FAM222B: variants seen among roughly 807,000 people sequenced by gnomAD.
FAM222B encodes the protein family with sequence similarity 222 member B, also known as protein FAM222B.
FAM222B carries 12 observed loss-of-function variants against 38.0 expected under a neutral mutation model. The observed-to-expected ratio is 0.32, with a 90% CI of 0.20 to 0.51. The LOEUF is 0.51. Among genes scored for constraint, FAM222B ranks in the 20% least tolerant of loss-of-function variants. FAM222B has a pLI of 0.97. For missense variants in FAM222B, 716 were observed against 754.2 expected (o/e 0.95, Z 0.59); for synonymous variants, 329 against 317.2 (o/e 1.04, Z -0.40).
intron 2 of FAM222B, among the ~76,000 whole-genome samples, chr17:28,765,810 A>G (rs1429157224): frequency 6.6e-6 from 1 of 152,198 alleles, no homozygotes; most frequent in African/African-American, 2.4e-5. Flanking sequence ...AGACTGAGAA[A>G]GCTAGCTCTC....
chr17:28,840,859 G>A (rs2039013051), intron 1 of FAM222B, among the ~76,000 whole-genome samples: 1 of 152,060 alleles, frequency 6.6e-6, no homozygotes, highest in Admixed American at 6.6e-5. Flanking sequence ...TACTAGGGAG[G>A]CTGAGGCAGG....
chr17:28,788,914 G>GT (rs1268954418), intron 1 of FAM222B, among the ~76,000 whole-genome samples: 1 of 151,084 alleles, frequency 6.6e-6, no homozygotes, highest in Non-Finnish European at 1.5e-5. Context: ...CCTAATTTTT[G>GT]TATTTTTAGT....
Position 28,758,262 on chromosome 17 carries a change from A to T in FAM222B, c.*8T>A. 6.4e-7 allele frequency: 1 copy of T among 1,552,374 alleles called. No homozygotes were observed. The stretch of plus-strand genomic sequence containing the variant: ...TGATGTGTTGCACGTGGAGGGCAGC[A>T]GGGCTACCTATCTATACCCTGGGTG... On this transcript the variant is annotated 3_prime_UTR_variant, in exon 3 of 3. Coordinates refer to ENST00000581407, the MANE Select transcript of FAM222B (RefSeq NM_001077498.3).
chr17:28,783,505 C>A lies in FAM222B; in HGVS notation c.-40-16798G>T, dbSNP rs2036249353. On this transcript the variant is annotated intron_variant, in intron 1 of 2. Coordinates refer to ENST00000581407, the MANE Select transcript of FAM222B (RefSeq NM_001077498.3). ...CCACCATTTATAAAATGTACCCTACCTTCATGAGATTTTTTTTTTTTTTTT... is the reference window on the plus strand; with the variant it reads ...CCACCATTTATAAAATGTACCCTACATTCATGAGATTTTTTTTTTTTTTTT... Among the ~76,000 whole-genome samples, 5 of 144,848 alleles carry A rather than the reference C, an allele frequency of 3.5e-5. No individual in the cohort carries two copies. The Admixed American group carries it at 3.5e-4, about 10-fold the overall frequency.
intron 1 of FAM222B, among the ~76,000 whole-genome samples, chr17:28,810,694 G>A (rs971734999): frequency 1.3e-5 from 2 of 152,138 alleles, no homozygotes; most frequent in Non-Finnish European, 2.9e-5. Context: ...CCCAAAACCT[G>A]ACACAGGATT....
At chr17:28,806,820 A>G (rs1479025084) in intron 1 of FAM222B, among the ~76,000 whole-genome samples, 1 of 152,164 alleles carries the variant, frequency 6.6e-6, no homozygotes, top group Non-Finnish European at 1.5e-5. Flanking sequence ...GGAGAAAATA[A>G]TAAGCTATAT....
intron 1 of FAM222B, among the ~76,000 whole-genome samples, chr17:28,822,614 G>A (rs1457561075): frequency 7.3e-6 from 1 of 136,236 alleles, no homozygotes; most frequent in Non-Finnish European, 1.6e-5. Context: ...CAACAAGAGC[G>A]AAACTCCACC....
intron 1 of FAM222B, chr17:28,777,254 A>T (rs1002952353): frequency 6.6e-6 from 1 of 152,188 alleles, no homozygotes; most frequent in African/African-American, 2.4e-5. Context: ...TGCTGAACAC[A>T]TGTGGCTCAA....
At chr17:28,801,533 T>G (rs1163492743) in intron 1 of FAM222B, among the ~76,000 whole-genome samples, 1 of 151,124 alleles carries the variant, frequency 6.6e-6, no homozygotes, top group Non-Finnish European at 1.5e-5. Context: ...TTACAGCTGC[T>G]AAATTAATGT....
chr17:28,822,973 A>T (rs1160751396), intron 1 of FAM222B, among the ~76,000 whole-genome samples: 1 of 126,848 alleles, frequency 7.9e-6, no homozygotes. Context: ...CAGGAGAATC[A>T]CTTGAACTCG....
intron 1 of FAM222B, among the ~76,000 whole-genome samples, chr17:28,800,025 T>C (rs1175763136): frequency 2.7e-5 from 4 of 150,642 alleles, no homozygotes; most frequent in East Asian, 3.9e-4. Flanking sequence ...GGTTGAGCAA[T>C]GATACTTTCT....
chr17:28,822,832 AATATATATATATATAT>A (rs1254235399), intron 1 of FAM222B, among the ~76,000 whole-genome samples: 148 of 42,796 alleles, frequency 3.5e-3, no homozygotes, highest in African/African-American at 0.016. Context: ...AAAAAAAAAA[AATATATATATATATAT>A]ATATATATAT....
upstream of FAM222B, among the ~76,000 whole-genome samples, chr17:28,843,870 G>C (rs1359184505): frequency 6.6e-6 from 1 of 152,176 alleles, no homozygotes; most frequent in Non-Finnish European, 1.5e-5. Context: ...TGGGGACCTT[G>C]TCAAGGAGGT....
intron 2 of FAM222B, among the ~76,000 whole-genome samples, chr17:28,765,751 T>C (rs1204770267): frequency 6.6e-6 from 1 of 152,166 alleles, no homozygotes; most frequent in African/African-American, 2.4e-5. Context: ...CTAACAGTTT[T>C]CAAAGGCTCA....
intron 1 of FAM222B, among the ~76,000 whole-genome samples, chr17:28,770,191 C>T (rs894648295): frequency 6.6e-6 from 1 of 152,144 alleles, no homozygotes; most frequent in Non-Finnish European, 1.5e-5. Flanking sequence ...ACCCTTGGTT[C>T]GTTTTGTTCA....
At chr17:28,793,452 G>A (rs1210710693) in intron 1 of FAM222B, among the ~76,000 whole-genome samples, 1 of 152,066 alleles carries the variant, frequency 6.6e-6, no homozygotes, top group East Asian at 1.9e-4. Flanking sequence ...ACCCACTATA[G>A]CTAGCTTCTC....
At chr17:28,813,248 G>A (rs1041287126) in intron 1 of FAM222B, among the ~76,000 whole-genome samples, 3 of 150,394 alleles carry the variant, frequency 2.0e-5, no homozygotes, top group Non-Finnish European at 2.9e-5. Flanking sequence ...TAAATCCCAA[G>A]ATAACAATTC....
At position 28,813,140 on chromosome 17, in the gene FAM222B, AACAC is replaced by A. The variant is rs1309742732; in HGVS notation, c.-41+29538_-41+29541del. Among the ~76,000 whole-genome samples the A allele has an allele frequency of 3.3e-3, 446 of 135,242 alleles. 4 individuals carry two copies. The highest frequency in any genetic ancestry group is 0.011 in the African/African-American group (402 of 36,264). 88.7% of individuals were successfully genotyped at this position (135,242 alleles called of 152,430 possible). On this transcript the variant is annotated intron_variant, in intron 1 of 2. Transcript: ENST00000581407. ...AATCATCAGACACAAAAAAAAAAAA[AACAC>A]ACACATACAAAAAAAAAAAACACAC... is the stretch of plus-strand genomic sequence containing the variant.
chr17:28,789,690 T>C (rs1330857980), intron 1 of FAM222B, among the ~76,000 whole-genome samples: 1 of 152,238 alleles, frequency 6.6e-6, no homozygotes, highest in African/African-American at 2.4e-5. Context: ...ACTCTTGGTT[T>C]CTAAATACTG....
Sources: gnomAD v4.1 joint callset for allele counts (sites outside exome capture counted in the v4.1 genomes callset) on GRCh38, gnomAD v4.1.1 for gene constraint, MANE v1.5 for transcripts, NCBI Gene and HGNC (gene_info 2026-07-23, HGNC 2026-07-21) for gene names.